BCL9: variants seen among roughly 807,000 people sequenced by gnomAD.
BCL9 encodes B-cell CLL/lymphoma 9 protein.
In BCL9, 25 loss-of-function variants were observed where a neutral mutation model predicts 88.5. That is an observed-to-expected ratio of 0.28 (90% CI 0.21 to 0.39). The LOEUF (loss-of-function observed/expected upper bound fraction) is 0.39, where lower values mean the gene tolerates loss of function less well. Ranked by LOEUF, BCL9 falls within the 10% of genes least tolerant of loss-of-function variation. The pLI is 1.00. For missense variants in BCL9, 1,817 were observed against 1,877.8 expected, an observed-to-expected ratio of 0.97 and a Z score of 0.60; for synonymous variants, 711 against 673.3, an observed-to-expected ratio of 1.06 and a Z score of -0.87.
chr1:147,620,497 C>T lies in BCL9; in HGVS notation c.2342C>T (p.Pro781Leu), dbSNP rs587771208. The change falls in exon 8 of 10, where the codon CCC (proline) becomes CTC (leucine). Residue 781 changes from proline to leucine, a missense_variant. This residue lies in a region of BCL9 where 1,228 missense variants were observed against 1,191.6 expected (regional missense o/e 1.03). Transcript: ENST00000234739. ...EHPQQEYGMGPRPFLPMSQGP... is the reference protein window; with the variant it reads ...EHPQQEYGMGLRPFLPMSQGP... ...CCCCAGCAGGAGTATGGCATGGGCCCCAGACCATTCCTTCCCATGTCTCAG... is the reference window on the plus strand; with the variant it reads ...CCCCAGCAGGAGTATGGCATGGGCCTCAGACCATTCCTTCCCATGTCTCAG... The T allele has an allele frequency of 6.8e-6, 11 of 1,614,130 alleles. No individual in the cohort carries two copies. The African/African-American group carries it at 1.3e-4, about 20-fold the overall frequency.
intron 3 of BCL9, among the ~76,000 whole-genome samples, chr1:147,610,316 C>G (rs1360072262): frequency 6.6e-6 from 1 of 152,076 alleles, no homozygotes; most frequent in Non-Finnish European, 1.5e-5. Context: ...TTTTTCCTGA[C>G]TTTTTTATTT....
chr1:147,593,874 T>C (rs1656941751), intron 1 of BCL9, among the ~76,000 whole-genome samples: 2 of 152,296 alleles, frequency 1.3e-5, no homozygotes, highest in South Asian at 4.1e-4. Context: ...GGACCTAGAG[T>C]AAAATTTGCC....
In BCL9 at chr1:147,587,505, AAACCTCGTGGGATTTTGC is replaced by A. The variant is rs587723563; in HGVS notation, c.-477-17271_-477-17254del. Reference sequence around the variant, plus strand: ...AGATTGCAAGCCCCCTTGAGGGGAGAAACCTCGTGGGATTTTGCTCCCTATTCCCAAGTCTGGCTCCTT... The same window carrying A: ...AGATTGCAAGCCCCCTTGAGGGGAGATCCCTATTCCCAAGTCTGGCTCCTT... On this transcript the variant is annotated intron_variant, in intron 1 of 9. Coordinates refer to ENST00000234739, the MANE Select transcript of BCL9 (RefSeq NM_004326.4). Among the ~76,000 whole-genome samples the A allele has an allele frequency of 2.0e-4, 30 of 152,224 alleles. No individual in the cohort carries two copies. The East Asian group carries it at 5.6e-3, about 28-fold the overall frequency.
chr1:147,605,702 AT>A (rs1246721591), intron 2 of BCL9, among the ~76,000 whole-genome samples: 1 of 152,102 alleles, frequency 6.6e-6, no homozygotes. Context: ...GGTTTTTCCT[AT>A]TGTGTACTTT....
Position 147,620,628 on chromosome 1 carries a change from T to G in BCL9, c.2473T>G (p.Ser825Ala). The change falls in exon 8 of 10, where the codon TCC becomes GCC. Residue 825 changes from serine (S) to alanine (A), a missense_variant. By Grantham distance (99) the Ser-to-Ala change is moderately conservative (BLOSUM62 1). Coordinates refer to ENST00000234739, the MANE Select transcript of BCL9 (RefSeq NM_004326.4). ...TATGCCACCACTACCTCTCAACCCT[T>G]CCAGTAACCCCACCAGCCTCAACAC... ...SHMPPLPLNP[S>A]SNPTSLNTAP... is the part of the protein sequence containing the mutation. 1 of 1,614,014 alleles carries G rather than the reference T, an allele frequency of 6.2e-7. No individual in the cohort carries two copies. The highest frequency in any genetic ancestry group is 8.5e-7 in the Non-Finnish European group (1 of 1,179,998).
At chr1:147,582,627 G>GA (rs1454876739) in intron 1 of BCL9, among the ~76,000 whole-genome samples, 1 of 152,098 alleles carries the variant, frequency 6.6e-6, no homozygotes, top group Non-Finnish European at 1.5e-5. Flanking sequence ...AATGCTTAGG[G>GA]AAAAAATCAA....
At chr1:147,574,118 G>C (rs149004648) in intron 1 of BCL9, among the ~76,000 whole-genome samples, 34 of 152,262 alleles carry the variant, frequency 2.2e-4, no homozygotes. Context: ...GGCTTAGGCA[G>C]ACTAGTTTAC....
At position 147,618,856 on chromosome 1, in the gene BCL9, T is replaced by C; in HGVS notation, c.701T>C (p.Leu234Pro). ...ISALRNDPKP[L>P]PQQPPAPANQ... The stretch of plus-strand genomic sequence containing the variant: ...GCCCTTCGGAATGATCCGAAACCTC[T>C]CCCACAACAGCCCCCAGCTCCGGCC... Residue 234 changes from leucine to proline, a missense_variant, in exon 8 of 10, where the codon CTC becomes CCC. Leu to Pro is a moderately conservative substitution (Grantham distance 98). Coordinates refer to ENST00000234739, the MANE Select transcript of BCL9 (RefSeq NM_004326.4). 6.3e-7 allele frequency: 1 copy of C among 1,590,958 alleles called. No individual in the cohort carries two copies. Among genetic ancestry groups the C allele is most frequent in the South Asian group, 1.1e-5 (1 of 87,160 alleles).
At chr1:147,622,820 G>T (rs1553205690) in intron 9 of BCL9, among the ~76,000 whole-genome samples, 1 of 152,002 alleles carries the variant, frequency 6.6e-6, no homozygotes, top group Non-Finnish European at 1.5e-5. Context: ...TTCTCTTTGG[G>T]TCCTCATGTA....
At position 147,619,694 on chromosome 1, in the gene BCL9, A is replaced by ACCC; in HGVS notation, c.1545_1547dup (p.Pro517dup). Reference sequence around the variant, plus strand: ...ACGGGCCTCGGGGAGTGGTCCGAGGACCCCCCCCTCCATACCAGATGACCC... The same window carrying ACCC: ...ACGGGCCTCGGGGAGTGGTCCGAGGACCCCCCCCCCCTCCATACCAGATGACCC... On this transcript the variant is annotated inframe_insertion, in exon 8 of 10. Coordinates refer to ENST00000234739, the MANE Select transcript of BCL9 (RefSeq NM_004326.4). This position sits in a 1 kb window ranked among gnomAD's most constrained non-coding sequence, Gnocchi z 4.1. The ACCC allele has an allele frequency of 3.1e-6, 5 of 1,609,974 alleles. No individual in the cohort carries two copies. The highest frequency in any genetic ancestry group is 4.2e-6 in the Non-Finnish European group (5 of 1,178,764).
chr1:147,596,394 T>C (rs932040813), intron 1 of BCL9, among the ~76,000 whole-genome samples: 13 of 117,008 alleles, frequency 1.1e-4, no homozygotes, highest in East Asian at 2.4e-4. Flanking sequence ...AGAGATTAGA[T>C]TGACTTTCTT....
intron 2 of BCL9, among the ~76,000 whole-genome samples, chr1:147,605,336 T>C (rs1553201854): frequency 6.6e-6 from 1 of 152,232 alleles, no homozygotes; most frequent in Non-Finnish European, 1.5e-5. Context: ...TGTCTACACA[T>C]ACAGTTTTGT....
chr1:147,596,446 C>T (rs10900383), intron 1 of BCL9, among the ~76,000 whole-genome samples: 24,667 of 138,810 alleles, frequency 0.18, 2,919 homozygotes, highest in East Asian at 0.36. Flanking sequence ...CGGAGTCTCG[C>T]TCTGTCGCCC....
chr1:147,581,593 A>G (rs1656373325), intron 1 of BCL9, among the ~76,000 whole-genome samples: 1 of 152,168 alleles, frequency 6.6e-6, no homozygotes, highest in Non-Finnish European at 1.5e-5. Context: ...GGGTAGGAAA[A>G]AGGAAACCCT....
In BCL9 at chr1:147,620,623, A is replaced by T; in HGVS notation, c.2468A>T (p.Asn823Ile). 1 of 1,613,844 alleles carries T rather than the reference A, an allele frequency of 6.2e-7. No homozygotes were observed. Among genetic ancestry groups the T allele is most frequent in the South Asian group, 1.1e-5 (1 of 91,066 alleles). The change falls in exon 8 of 10, where the codon AAC becomes ATC. Residue 823 changes from asparagine to isoleucine, a missense_variant. Around this residue, in one of 2 missense-constraint regions of BCL9, gnomAD observed 1,228 missense variants for 1,191.6 expected, o/e 1.03. Transcript: ENST00000234739. The part of the protein sequence containing the change: ...RLSHMPPLPL[N>I]PSSNPTSLNT... The stretch of plus-strand genomic sequence containing the variant: ...AGTCATATGCCACCACTACCTCTCA[A>T]CCCTTCCAGTAACCCCACCAGCCTC...
At chr1:147,622,213 T>C in intron 8 of BCL9, 58 bp from the exon 9 acceptor site, 2 of 1,604,084 alleles carry the variant, frequency 1.2e-6, no homozygotes, top group Non-Finnish European at 1.7e-6. Context: ...TAGGGCCCAA[T>C]ACCCTTCAAA....
chr1:147,590,395 G>A (rs1407655710), intron 1 of BCL9, among the ~76,000 whole-genome samples: 1 of 152,066 alleles, frequency 6.6e-6, no homozygotes, highest in African/African-American at 2.4e-5. Context: ...CCTTTACATT[G>A]CCCTACCTGG....
intron 1 of BCL9, among the ~76,000 whole-genome samples, chr1:147,581,642 A>G (rs1656376551): frequency 6.6e-6 from 1 of 152,194 alleles, no homozygotes; most frequent in Admixed American, 6.5e-5. Flanking sequence ...GACCTACGTC[A>G]GCTCTTTAAT....
At chr1:147,563,910 G>GT (rs1190139523) in intron 1 of BCL9, among the ~76,000 whole-genome samples, 1 of 152,204 alleles carries the variant, frequency 6.6e-6, no homozygotes, top group Non-Finnish European at 1.5e-5. Context: ...CAATGTTGCA[G>GT]TTGAGGAAAT....
Sources: allele counts gnomAD v4.1 joint callset (sites outside exome capture counted in the v4.1 genomes callset), GRCh38; gene constraint gnomAD v4.1.1; regional missense constraint gnomAD v4.1.1; non-coding constraint Gnocchi (gnomAD v3.1); transcripts MANE v1.5; gene names NCBI Gene and HGNC (gene_info 2026-07-23, HGNC 2026-07-21).